Variants in KIAA1217 observed in about 807,000 individuals in gnomAD.
KIAA1217 encodes the protein sickle tail protein homolog.
A neutral mutation model predicts 163.9 loss-of-function variants in KIAA1217; 88 were observed. That is an observed-to-expected ratio of 0.54 (90% CI 0.45 to 0.64). The LOEUF (loss-of-function observed/expected upper bound fraction) is 0.64, where lower values mean the gene tolerates loss of function less well. Among genes scored for constraint, KIAA1217 ranks in the 30% least tolerant of loss-of-function variants. KIAA1217 has a pLI of 0.00. For synonymous variants in KIAA1217, 903 were observed against 923.1 expected (o/e 0.98, Z 0.39); for missense variants, 2,372 against 2,475.0 (o/e 0.96, Z 0.88).
At chr10:23,761,328 C>T (rs1159115014) in intron 1 of KIAA1217, among the ~76,000 whole-genome samples, 1 of 152,140 alleles carries the variant, frequency 6.6e-6, no homozygotes, top group Non-Finnish European at 1.5e-5. Flanking sequence ...GCCTCTCTAG[C>T]TCTTTTAAGT....
intron 1 of KIAA1217, among the ~76,000 whole-genome samples, chr10:23,736,484 A>G (rs924871846): frequency 6.6e-6 from 1 of 152,158 alleles, no homozygotes; most frequent in African/African-American, 2.4e-5. Flanking sequence ...CCAGTGTGAC[A>G]CTATGGTAAT....
chr10:24,206,154 G>A (rs750832196), upstream of KIAA1217, among the ~76,000 whole-genome samples: 4 of 152,164 alleles, frequency 2.6e-5, no homozygotes, highest in Non-Finnish European at 5.9e-5. Flanking sequence ...TGAAAACTTA[G>A]CCTCCTGGTA....
At chr10:24,367,498 G>A (rs2050946970) in intron 2 of KIAA1217, among the ~76,000 whole-genome samples, 1 of 152,174 alleles carries the variant, frequency 6.6e-6, no homozygotes, top group Non-Finnish European at 1.5e-5. Flanking sequence ...GCAACCACAA[G>A]CTGGAGATCT....
At chr10:24,429,919 G>A (rs1412881957) in intron 3 of KIAA1217, among the ~76,000 whole-genome samples, 1 of 152,144 alleles carries the variant, frequency 6.6e-6, no homozygotes, top group African/African-American at 2.4e-5. Flanking sequence ...GAGGTGGTCA[G>A]ATCACTTGAG....
At chr10:23,791,871 AT>A (rs146704163) in intron 1 of KIAA1217, among the ~76,000 whole-genome samples, 2,924 of 152,134 alleles carry the variant, frequency 0.019, 95 homozygotes, top group African/African-American at 0.066. Context: ...ATAAGAAGTG[AT>A]TTTTTTTCTC....
chr10:24,164,074 A>G (rs1407242583), intron 2 of KIAA1217, among the ~76,000 whole-genome samples: 1 of 152,236 alleles, frequency 6.6e-6, no homozygotes, highest in African/African-American at 2.4e-5. Flanking sequence ...TACCATATAT[A>G]GAGTAGACTA....
Position 23,695,340 on chromosome 10 carries a change from G to C in KIAA1217, c.-321+106G>C, listed in dbSNP as rs944321425. 6.6e-6 allele frequency: 1 copy of C among 152,270 alleles called. No homozygotes were observed. Among genetic ancestry groups the C allele is most frequent in the Non-Finnish European group, 1.5e-5 (1 of 68,082 alleles). The allele number at this position is 152,270 out of a possible 1,614,324, so 9.4% of individuals were successfully genotyped here. A position where few individuals can be genotyped will look rare whatever the true frequency, so the allele number is the denominator to read the frequency against. ...AGGAAACCGAGGGGAGACTTACAAG[G>C]GAGCCTTGCGCGGGAGAGCAAGTGA... On this transcript the variant is annotated intron_variant, in intron 1 of 18. Transcript: ENST00000376462. This position sits in a 1 kb window ranked among gnomAD's most constrained non-coding sequence, Gnocchi z 4.9.
intron 1 of KIAA1217, among the ~76,000 whole-genome samples, chr10:23,702,017 A>G (rs1836486090): frequency 6.6e-6 from 1 of 152,172 alleles, no homozygotes; most frequent in Non-Finnish European, 1.5e-5. Context: ...CCTTGGGTTT[A>G]GTACTTGTAG....
At chr10:24,407,821 T>C (rs913020242) in intron 3 of KIAA1217, among the ~76,000 whole-genome samples, 1 of 152,180 alleles carries the variant, frequency 6.6e-6, no homozygotes, top group African/African-American at 2.4e-5. Context: ...CCCCACCTTA[T>C]CCAGGCGGAC....
intron 2 of KIAA1217, among the ~76,000 whole-genome samples, chr10:24,084,886 C>T (rs1187330312): frequency 6.6e-6 from 1 of 150,622 alleles, no homozygotes; most frequent in Non-Finnish European, 1.5e-5. Flanking sequence ...GAGTATATTG[C>T]AAAGCTATAA....
chr10:24,198,415 C>A (rs1463260616), intron 2 of KIAA1217, among the ~76,000 whole-genome samples: 1 of 151,904 alleles, frequency 6.6e-6, no homozygotes, highest in East Asian at 1.9e-4. Context: ...TTGAGACCAG[C>A]CTGGCCAACA....
At chr10:24,339,219 C>T (rs1273702840) in intron 2 of KIAA1217, among the ~76,000 whole-genome samples, 1 of 152,052 alleles carries the variant, frequency 6.6e-6, no homozygotes, top group East Asian at 1.9e-4. Context: ...TTGGATGTCT[C>T]TTTAGTAGCA....
At chr10:23,995,739 G>A (rs1846446774) in intron 1 of KIAA1217, among the ~76,000 whole-genome samples, 1 of 152,152 alleles carries the variant, frequency 6.6e-6, no homozygotes, top group Admixed American at 6.5e-5. Context: ...ATGTCACTGT[G>A]TTATGAACCA....
chr10:24,329,991 G>A (rs2045450731), intron 2 of KIAA1217, among the ~76,000 whole-genome samples: 1 of 152,138 alleles, frequency 6.6e-6, no homozygotes, highest in African/African-American at 2.4e-5. Context: ...ATTCAAAAGT[G>A]TGGGTTGCTT....
intron 2 of KIAA1217, among the ~76,000 whole-genome samples, chr10:24,342,068 C>A (rs1355849055): frequency 6.6e-6 from 1 of 152,178 alleles, no homozygotes; most frequent in Non-Finnish European, 1.5e-5. Context: ...GCCTTTGCAG[C>A]CAGAGGGCTT....
intron 2 of KIAA1217, among the ~76,000 whole-genome samples, chr10:24,320,904 G>A (rs1230982877): frequency 6.6e-6 from 1 of 151,960 alleles, no homozygotes; most frequent in Admixed American, 6.6e-5. Context: ...AAAATTAGCC[G>A]GGTGTGGTGG....
At chr10:24,094,309 C>A (rs2062061845) in intron 2 of KIAA1217, among the ~76,000 whole-genome samples, 1 of 152,192 alleles carries the variant, frequency 6.6e-6, no homozygotes, top group South Asian at 2.1e-4. Context: ...CTCTCCAGCA[C>A]CTGTTGTTTC....
chr10:23,997,355 T>A (rs1846533251), intron 1 of KIAA1217, among the ~76,000 whole-genome samples: 1 of 152,200 alleles, frequency 6.6e-6, no homozygotes, highest in South Asian at 2.1e-4. Context: ...AATGCTTTAA[T>A]TTTTTAATTG....
chr10:23,984,277 C>A (rs1181983378), intron 1 of KIAA1217, among the ~76,000 whole-genome samples: 1 of 152,212 alleles, frequency 6.6e-6, no homozygotes, highest in Non-Finnish European at 1.5e-5. Flanking sequence ...TTATCTCTGT[C>A]TATTCCTGCC....
Sources: gnomAD v4.1 joint callset for allele counts (sites outside exome capture counted in the v4.1 genomes callset) on GRCh38, gnomAD v4.1.1 for gene constraint, Gnocchi (gnomAD v3.1) non-coding constraint, MANE v1.5 for transcripts, NCBI Gene and HGNC (gene_info 2026-07-23, HGNC 2026-07-21) for gene names.